Variants in RASA2 observed in about 807,000 individuals in gnomAD.
The protein encoded by RASA2 is ras GTPase-activating protein 2.
A neutral mutation model predicts 118.2 loss-of-function variants in RASA2; 155 were observed. That is an observed-to-expected ratio of 1.31 (90% CI 1.15 to 1.50). RASA2 has a LOEUF of 1.50. RASA2 is among the 40% of genes most tolerant of loss of function. RASA2 has a pLI of 0.00. For synonymous variants in RASA2, 353 were observed against 349.1 expected (o/e 1.01, Z -0.12); for missense variants, 1,016 against 1,009.6 (o/e 1.01, Z -0.09).
chr3:141,582,602 T>C (rs1577784282), intron 17 of RASA2, among the ~76,000 whole-genome samples: 1 of 152,366 alleles, frequency 6.6e-6, no homozygotes, highest in Non-Finnish European at 1.5e-5. Context: ...GTTCCTGATC[T>C]ACTCTGGGTC....
intron 19 of RASA2, among the ~76,000 whole-genome samples, chr3:141,602,476 T>G (rs531906610): frequency 1.3e-5 from 2 of 152,338 alleles, no homozygotes; most frequent in African/African-American, 4.8e-5. Context: ...CACCCACTGC[T>G]GCTCCTGCTG....
At chr3:141,493,045 C>A (rs1229133039) in intron 1 of RASA2, among the ~76,000 whole-genome samples, 1 of 152,040 alleles carries the variant, frequency 6.6e-6, no homozygotes, top group Non-Finnish European at 1.5e-5. Context: ...AGGTTCTTAC[C>A]CTTCATTTTA....
chr3:141,557,828 A>G, intron 7 of RASA2, among the ~76,000 whole-genome samples: 1 of 152,176 alleles, frequency 6.6e-6, no homozygotes, highest in East Asian at 1.9e-4. Context: ...AAAAAAAGAG[A>G]AAGGAAGTAG....
chr3:141,530,112 T>C (rs563485660), intron 4 of RASA2, among the ~76,000 whole-genome samples: 2 of 152,112 alleles, frequency 1.3e-5, no homozygotes, highest in Non-Finnish European at 2.9e-5. Context: ...AGGGAAAATA[T>C]GTGTTTTATT....
At chr3:141,580,267 C>A in intron 15 of RASA2, 101 bp from the exon 16 acceptor site, 3 of 847,070 alleles carry the variant, frequency 3.5e-6, no homozygotes, top group South Asian at 2.1e-5. Context: ...GTTTTTGAGT[C>A]ATTGTTTTAC....
chr3:141,511,538 T>C (rs2081950323), intron 1 of RASA2, among the ~76,000 whole-genome samples: 1 of 152,134 alleles, frequency 6.6e-6, no homozygotes. Flanking sequence ...TTCACTTGGG[T>C]TAAATCATGC....
intron 2 of RASA2, among the ~76,000 whole-genome samples, chr3:141,514,672 A>G (rs941444244): frequency 6.6e-6 from 1 of 152,246 alleles, no homozygotes. Flanking sequence ...TTAACTCAGC[A>G]GTTGCATTCT....
Position 141,573,926 on chromosome 3 carries a change from C to A in RASA2, c.1360-18C>A. 1 of 1,557,508 alleles carries A rather than the reference C, an allele frequency of 6.4e-7. No individual in the cohort carries two copies. The highest frequency in any genetic ancestry group is 8.7e-7 in the Non-Finnish European group (1 of 1,150,228). On this transcript the variant is annotated intron_variant, in intron 13 of 23. Transcript: ENST00000286364. ...GTGAACATCAAAATCTTAATGTTTA[C>A]CTTTTTAAATCCTGCAGGAGAATCT...
At chr3:141,567,863 A>C (rs1411018896) in intron 9 of RASA2, among the ~76,000 whole-genome samples, 2 of 152,256 alleles carry the variant, frequency 1.3e-5, no homozygotes. Context: ...AAGAAATATC[A>C]GTGCAGATTA....
chr3:141,571,568 T>C lies in RASA2; in HGVS notation c.1169+14T>C. On this transcript the variant is annotated intron_variant, in intron 11 of 23. Coordinates refer to ENST00000286364, the MANE Select transcript of RASA2 (RefSeq NM_006506.5). ...GAAGGATACACAGTAAGAGTTATATTTTATTAAATGTTAATTACATGTTGT... is the reference window on the plus strand; with the variant it reads ...GAAGGATACACAGTAAGAGTTATATCTTATTAAATGTTAATTACATGTTGT... 1 of 1,581,732 alleles carries C rather than the reference T, an allele frequency of 6.3e-7. No homozygotes were observed. The highest frequency in any genetic ancestry group is 8.6e-7 in the Non-Finnish European group (1 of 1,165,206).
intron 1 of RASA2, among the ~76,000 whole-genome samples, chr3:141,502,381 T>G (rs1282697773): frequency 6.6e-6 from 1 of 152,214 alleles, no homozygotes; most frequent in Non-Finnish European, 1.5e-5. Flanking sequence ...CGACCCTTGT[T>G]GCCTACTGAA....
At position 141,555,556 on chromosome 3, in the gene RASA2, TA is replaced by T. The variant is rs199589400; in HGVS notation, c.612-283del. Among the ~76,000 whole-genome samples the T allele has an allele frequency of 0.014, 2,107 of 151,888 alleles. 29 individuals carry two copies. Among genetic ancestry groups the T allele is most frequent in the Middle Eastern group, 0.085 (25 of 294 alleles). On this transcript the variant is annotated intron_variant, in intron 6 of 23. Transcript: ENST00000286364. ...CCTTCTATTTATTCTGAGTTGCTTA[TA>T]GAATAGAATGTGTTTTTAAAACCCC...
Position 141,570,852 on chromosome 3 carries a change from C to T in RASA2, c.864-60C>T. 4 of 1,489,642 alleles carry T rather than the reference C, an allele frequency of 2.7e-6. No homozygotes were observed. In the South Asian group the frequency reaches 5.0e-5, roughly 19 times the overall value. The allele number at this position is 1,489,642 out of a possible 1,614,324, so 92.3% of individuals were successfully genotyped here. ...AGTTTTTTTATAACTTAACTCTTAACTTGCCTCATTGGCTTGAATGCATTT... is the reference window on the plus strand; with the variant it reads ...AGTTTTTTTATAACTTAACTCTTAATTTGCCTCATTGGCTTGAATGCATTT... On this transcript the variant is annotated intron_variant, in intron 9 of 23. Transcript: ENST00000286364.
rs564325631 is a variant in RASA2, at chr3:141,563,214, C to G, written c.863+3219C>G. 8.7e-4 allele frequency among the ~76,000 whole-genome samples: 132 copies of G among 152,318 alleles called. No homozygotes were observed. In the South Asian group the frequency reaches 0.027, roughly 31 times the overall value. ...GTTTAGAGCAACTGAATGCTACTTT[C>G]AGTTAAAAATTTCTCTTTATTCCCT... is the stretch of plus-strand genomic sequence containing the variant. On this transcript the variant is annotated intron_variant, in intron 9 of 23. Coordinates refer to ENST00000286364, the MANE Select transcript of RASA2 (RefSeq NM_006506.5).
At position 141,498,709 on chromosome 3, in the gene RASA2, A is replaced by C. The variant is rs927978078; in HGVS notation, c.133+11493A>C. 2.6e-5 allele frequency among the ~76,000 whole-genome samples: 4 copies of C among 152,206 alleles called. No homozygotes were observed. In the South Asian group the frequency reaches 8.3e-4, roughly 32 times the overall value. ...CTATTTTGGCCCCCTGGATGCTGTC[A>C]CCAGAAATAACAGCCATATCCCATA... On this transcript the variant is annotated intron_variant, in intron 1 of 23. Coordinates refer to ENST00000286364, the MANE Select transcript of RASA2 (RefSeq NM_006506.5).
At chr3:141,586,521 C>T in intron 18 of RASA2, 125 bp from the exon 19 acceptor site, 1 of 611,956 alleles carries the variant, frequency 1.6e-6, no homozygotes, top group East Asian at 3.0e-5. Flanking sequence ...ATAGCAAAAA[C>T]ATTTTTATAT....
chr3:141,545,704 C>A (rs2082475063), intron 5 of RASA2, among the ~76,000 whole-genome samples: 1 of 151,938 alleles, frequency 6.6e-6, no homozygotes, highest in Non-Finnish European at 1.5e-5. Flanking sequence ...CCTCAGCCTC[C>A]CAAAGTGCTG....
At chr3:141,499,258 TACTTTG>T (rs1453091879) in intron 1 of RASA2, among the ~76,000 whole-genome samples, 1 of 152,236 alleles carries the variant, frequency 6.6e-6, no homozygotes, top group African/African-American at 2.4e-5. Context: ...TTTATGCGTT[TACTTTG>T]ACTTTGTCTT....
In RASA2 at chr3:141,612,337, A is replaced by G; in HGVS notation, c.*24A>G. On this transcript the variant is annotated 3_prime_UTR_variant, in exon 24 of 24. Transcript: ENST00000286364. ...AGAGTTTAACAGATTGGTTCAGAAG[A>G]ACTGGAAAATATTATTTTTCTTGGA... is the stretch of plus-strand genomic sequence containing the variant. 1 of 1,548,306 alleles carries G rather than the reference A, an allele frequency of 6.5e-7. No homozygotes were observed. Among genetic ancestry groups the G allele is most frequent in the South Asian group, 1.2e-5 (1 of 84,904 alleles).
Sources: gnomAD v4.1 joint callset for allele counts (sites outside exome capture counted in the v4.1 genomes callset) on GRCh38, gnomAD v4.1.1 for gene constraint, MANE v1.5 for transcripts, NCBI Gene and HGNC (gene_info 2026-07-23, HGNC 2026-07-21) for gene names.